Variants in GTF2E1 observed in about 807,000 individuals in gnomAD.
GTF2E1 encodes the protein TFIIE alpha subunit.
In GTF2E1, 14 loss-of-function variants were observed where a neutral mutation model predicts 34.9. The observed-to-expected ratio is 0.40, with a 90% CI of 0.27 to 0.63. The LOEUF (loss-of-function observed/expected upper bound fraction) is 0.63. Among genes scored for constraint, GTF2E1 ranks in the 20% least tolerant of loss-of-function variants. The probability of loss-of-function intolerance (pLI) is 0.39; values close to 1 mark genes in which losing one functional copy is unlikely to be tolerated. For missense variants in GTF2E1, 469 were observed against 557.7 expected (o/e 0.84, Z 1.60); for synonymous variants, 188 against 192.9 (o/e 0.97, Z 0.21).
intron 2 of GTF2E1, among the ~76,000 whole-genome samples, chr3:120,752,837 G>A (rs1709176984): frequency 1.3e-5 from 2 of 152,186 alleles, no homozygotes; most frequent in Admixed American, 6.5e-5. Flanking sequence ...ATGAAAAGAA[G>A]GGGTGCCTGA....
At chr3:120,748,178 A>C (rs1559829000) in intron 1 of GTF2E1, among the ~76,000 whole-genome samples, 2 of 152,084 alleles carry the variant, frequency 1.3e-5, no homozygotes, top group African/African-American at 4.8e-5. Context: ...AGGTTGCAAA[A>C]ATTTTCTCCC....
chr3:120,767,607 T>C (rs1224365445), intron 2 of GTF2E1, among the ~76,000 whole-genome samples: 1 of 152,094 alleles, frequency 6.6e-6, no homozygotes, highest in Non-Finnish European at 1.5e-5. Flanking sequence ...TTTCCTTGAG[T>C]AGTGAAGTTC....
intron 3 of GTF2E1, among the ~76,000 whole-genome samples, chr3:120,772,615 A>G (rs1709362784): frequency 6.6e-6 from 1 of 152,186 alleles, no homozygotes; most frequent in Admixed American, 6.5e-5. Context: ...TTACAAAAAT[A>G]CAAAATTTTC....
intron 2 of GTF2E1, among the ~76,000 whole-genome samples, chr3:120,763,876 T>C (rs1709285651): frequency 6.6e-6 from 1 of 152,148 alleles, no homozygotes; most frequent in Non-Finnish European, 1.5e-5. Context: ...AGGCTTCTTC[T>C]TTCCCTCAGA....
intron 4 of GTF2E1, among the ~76,000 whole-genome samples, chr3:120,780,761 T>C (rs1297790235): frequency 4.6e-5 from 7 of 152,180 alleles, no homozygotes; most frequent in Non-Finnish European, 7.4e-5. Context: ...TATTGAAGTT[T>C]AGAGATTAAA....
intron 2 of GTF2E1, among the ~76,000 whole-genome samples, chr3:120,757,140 A>G (rs1444139731): frequency 6.6e-6 from 1 of 152,120 alleles, no homozygotes; most frequent in Non-Finnish European, 1.5e-5. Flanking sequence ...TTTGGGCCTA[A>G]TTTAGAGAAT....
chr3:120,776,434 C>T lies in GTF2E1; in HGVS notation c.662C>T (p.Ala221Val), dbSNP rs1185237903. ...TTCTTTTTATATAGCAAGGACCATGCAGCAACTACTGCTGGAGCTGCTAGC... is the reference window on the plus strand; with the variant it reads ...TTCTTTTTATATAGCAAGGACCATGTAGCAACTACTGCTGGAGCTGCTAGC... ...IPALKQSKDH[A>V]ATTAGAASLA... Residue 221 changes from alanine (A) to valine (V), a missense_variant, in exon 4 of 5, where the codon GCA (alanine) becomes GTA (valine). Ala to Val is a moderately conservative substitution (Grantham distance 64, BLOSUM62 0). Transcript: ENST00000283875. The T allele has an allele frequency of 6.2e-7, 1 of 1,612,838 alleles. No individual in the cohort carries two copies. Among genetic ancestry groups the T allele is most frequent in the South Asian group, 1.1e-5 (1 of 91,046 alleles).
chr3:120,781,651 G>A lies in GTF2E1; in HGVS notation c.*181G>A. The A allele has an allele frequency of 3.4e-6, 2 of 593,650 alleles. No homozygotes were observed. Among genetic ancestry groups the A allele is most frequent in the South Asian group, 2.1e-5 (1 of 46,732 alleles). 36.8% of individuals were successfully genotyped at this position (593,650 alleles called of 1,614,324 possible). On this transcript the variant is annotated 3_prime_UTR_variant, in exon 5 of 5. Coordinates refer to ENST00000283875, the MANE Select transcript of GTF2E1 (RefSeq NM_005513.3). ...CCAGAAACTTTCCCAGCAAGGTAGG[G>A]TGCTGAGAATCCTACCCTTCCTTGC...
intron 2 of GTF2E1, among the ~76,000 whole-genome samples, chr3:120,753,681 G>C (rs1468215924): frequency 1.3e-5 from 2 of 152,282 alleles, no homozygotes; most frequent in East Asian, 3.9e-4. Context: ...CTGGACCCAG[G>C]AAACAGCCCA....
In GTF2E1 at chr3:120,781,155, C is replaced by T; in HGVS notation, c.1005C>T (p.Ala335=). 8 of 1,614,114 alleles carry T rather than the reference C, an allele frequency of 5.0e-6. No individual in the cohort carries two copies. Among genetic ancestry groups the T allele is most frequent in the Non-Finnish European group, 5.9e-6 (7 of 1,179,998 alleles). Residue 335 remains alanine, a synonymous_variant, in exon 5 of 5, where the codon GCC becomes GCT. Coordinates refer to ENST00000283875, the MANE Select transcript of GTF2E1 (RefSeq NM_005513.3). ...LLIHEKKTSS[A]MAGSVGAAAP... ...TTCACGAGAAAAAGACTTCCTCTGC[C>T]ATGGCTGGTTCAGTGGGGGCAGCTG...
chr3:120,767,360 C>T (rs1709318338), intron 2 of GTF2E1, among the ~76,000 whole-genome samples: 2 of 152,142 alleles, frequency 1.3e-5, no homozygotes, highest in Admixed American at 6.5e-5. Context: ...TAAAAAGTGT[C>T]TCCTTCCAGA....
At chr3:120,766,459 G>T (rs1442620568) in intron 2 of GTF2E1, among the ~76,000 whole-genome samples, 1 of 152,026 alleles carries the variant, frequency 6.6e-6, no homozygotes, top group Admixed American at 6.6e-5. Flanking sequence ...ATCTTGTTAA[G>T]TCTGTTTTTT....
At position 120,743,393 on chromosome 3, in the gene GTF2E1, A is replaced by G. The variant is rs78415172; in HGVS notation, c.-31+599A>G. ...AGTGCCCAGTAGCCTGTCCGATTCT[A>G]CCTTGGAAACAAGAGTGGAGGAAGT... On this transcript the variant is annotated intron_variant, in intron 1 of 4. Transcript: ENST00000283875. Among the ~76,000 whole-genome samples the G allele has an allele frequency of 5.6e-3, 856 of 152,316 alleles. 11 individuals carry two copies. Among genetic ancestry groups the G allele is most frequent in the African/African-American group, 0.02 (824 of 41,570 alleles).
Position 120,781,453 on chromosome 3 carries a change from G to A in GTF2E1, c.1303G>A (p.Glu435Lys), listed in dbSNP as rs1464370121. The A allele has an allele frequency of 6.2e-7, 1 of 1,612,282 alleles. No individual in the cohort carries two copies. Among genetic ancestry groups the A allele is most frequent in the South Asian group, 1.1e-5 (1 of 91,050 alleles). The stretch of plus-strand genomic sequence containing the variant: ...TATAGCAATGGGACAACGCATGTTT[G>A]AGGACCTCTTTGAGTGAGCTTTCCC... Reference protein sequence around the residue: ...AYIAMGQRMFEDLFE With the variant: ...AYIAMGQRMFKDLFE Residue 435 changes from glutamate to lysine, a missense_variant, in exon 5 of 5, where the codon GAG (glutamate) becomes AAG (lysine). Glu to Lys is a moderately conservative substitution (Grantham distance 56, BLOSUM62 1). Coordinates refer to ENST00000283875, the MANE Select transcript of GTF2E1 (RefSeq NM_005513.3).
intron 2 of GTF2E1, among the ~76,000 whole-genome samples, chr3:120,758,869 T>C (rs1301292198): frequency 1.3e-5 from 2 of 152,228 alleles, no homozygotes; most frequent in African/African-American, 2.4e-5. Flanking sequence ...TGAATAGTGC[T>C]GCAGTAAACA....
At chr3:120,743,152 A>G (rs1004505935) in intron 1 of GTF2E1, among the ~76,000 whole-genome samples, 1 of 152,224 alleles carries the variant, frequency 6.6e-6, no homozygotes, top group Non-Finnish European at 1.5e-5. Context: ...AGGCGTGGAA[A>G]GTGCCATGAA....
At chr3:120,752,947 C>T (rs1216638576) in intron 2 of GTF2E1, among the ~76,000 whole-genome samples, 1 of 152,104 alleles carries the variant, frequency 6.6e-6, no homozygotes, top group African/African-American at 2.4e-5. Context: ...ACAGTAAAGC[C>T]TGAGGTATCA....
rs529814718 is a variant in GTF2E1 at position 120,745,819 on chromosome 3, G to A, written c.-31+3025G>A. On this transcript the variant is annotated intron_variant, in intron 1 of 4. Transcript: ENST00000283875. ...TCAAGTACAATGTATAGACCAAACC[G>A]AAAAGGAGAGAAAAGTGTGTCCAGT... Among the ~76,000 whole-genome samples, 5 of 152,268 alleles carry A rather than the reference G, an allele frequency of 3.3e-5. No individual in the cohort carries two copies. The South Asian group carries it at 6.2e-4, about 19-fold the overall frequency.
intron 2 of GTF2E1, among the ~76,000 whole-genome samples, chr3:120,760,404 A>G (rs1273328385): frequency 6.6e-6 from 1 of 152,168 alleles, no homozygotes; most frequent in Non-Finnish European, 1.5e-5. Context: ...TATTTTCCTA[A>G]TTGAATACCC....
Sources: gnomAD v4.1 joint callset for allele counts (sites outside exome capture counted in the v4.1 genomes callset) on GRCh38, gnomAD v4.1.1 for gene constraint, MANE v1.5 for transcripts, NCBI Gene and HGNC (gene_info 2026-07-23, HGNC 2026-07-21) for gene names.